BRAF: variants seen among roughly 807,000 people sequenced by gnomAD.
BRAF encodes B-Raf proto-oncogene, serine/threonine kinase, also known as serine/threonine-protein kinase B-raf.
Under a neutral mutation model 104.6 loss-of-function variants are expected in BRAF, and 16 were observed. The observed-to-expected ratio is 0.15, with a 90% CI of 0.10 to 0.23. The LOEUF is 0.23. BRAF is among the 10% of genes least tolerant of loss of function. The probability of loss-of-function intolerance (pLI) is 1.00; values close to 1 mark genes in which losing one functional copy is unlikely to be tolerated. For missense variants in BRAF, 541 were observed against 937.3 expected, an observed-to-expected ratio of 0.58 and a Z score of 5.52; for synonymous variants, 310 against 341.6, an observed-to-expected ratio of 0.91 and a Z score of 1.02.
At chr7:140,822,160 T>C (rs1805557291) in intron 3 of BRAF, among the ~76,000 whole-genome samples, 1 of 151,780 alleles carries the variant, frequency 6.6e-6, no homozygotes, top group South Asian at 2.1e-4. Flanking sequence ...GAATCTAAAA[T>C]AAAAGTTGAA....
At chr7:140,868,542 C>T (rs1386537145) in intron 1 of BRAF, among the ~76,000 whole-genome samples, 1 of 151,494 alleles carries the variant, frequency 6.6e-6, no homozygotes. Context: ...TCCACAGAGA[C>T]AGAAATTAGA....
chr7:140,793,451 G>C (rs1291113919), intron 8 of BRAF, among the ~76,000 whole-genome samples: 2 of 151,574 alleles, frequency 1.3e-5, no homozygotes, highest in African/African-American at 4.8e-5. Context: ...GTAAAAAGTG[G>C]GAAGAAAGTC....
chr7:140,873,603 G>T (rs996738872), intron 1 of BRAF, among the ~76,000 whole-genome samples: 1 of 152,128 alleles, frequency 6.6e-6, no homozygotes, highest in African/African-American at 2.4e-5. Flanking sequence ...GGAGTGCTGT[G>T]AATTTAAGTG....
chr7:140,734,896 C>T, intron 18 of BRAF, 126 bp from the exon 18 acceptor site: 1 of 1,074,382 alleles, frequency 9.3e-7, no homozygotes, highest in South Asian at 1.7e-5. Context: ...AGTCCCATCA[C>T]ACTTTACAAG....
chr7:140,794,419 T>C lies in BRAF; in HGVS notation c.1029A>G (p.Pro343=), dbSNP rs140486841. Residue 343 remains proline, a synonymous_variant, in exon 8 of 20, where the codon CCA becomes CCG. Coordinates refer to ENST00000644969, the MANE Select transcript of BRAF (RefSeq NM_001374258.1). ...SPSPSKSIPI[P]QPFRPADEDH... is the part of the protein sequence containing the mutation. ...CTTCATCTGCTGGTCGGAAGGGCTG[T>C]GGAATTGGAATGGATTTTGAAGGAG... 1 of 1,613,876 alleles carries C rather than the reference T, an allele frequency of 6.2e-7. No individual in the cohort carries two copies. The highest frequency in any genetic ancestry group is 1.3e-5 in the African/African-American group (1 of 74,860).
downstream of BRAF, among the ~76,000 whole-genome samples, chr7:140,717,938 C>G (rs1278367339): frequency 6.6e-6 from 1 of 152,064 alleles, no homozygotes; most frequent in Non-Finnish European, 1.5e-5. Flanking sequence ...CCTGGCTTGC[C>G]TCAAACTCCT....
chr7:140,735,194 GA>G (rs1280244491), intron 18 of BRAF, among the ~76,000 whole-genome samples: 6 of 152,172 alleles, frequency 3.9e-5, no homozygotes, highest in Non-Finnish European at 7.3e-5. Flanking sequence ...TCTCTAAACA[GA>G]ATTATCACAG....
At chr7:140,885,326 A>T (rs10258390) in intron 1 of BRAF, among the ~76,000 whole-genome samples, 40,362 of 150,532 alleles carry the variant, frequency 0.27, 7,837 homozygotes, top group African/African-American at 0.55. Flanking sequence ...AAAAAAAAAA[A>T]TTTTTTTTTT....
chr7:140,730,801 T>C (rs2130850301), intron 19 of BRAF: 1 of 152,224 alleles, frequency 6.6e-6, no homozygotes, highest in East Asian at 1.9e-4. Context: ...TATTAACTAG[T>C]TTAAAAATAT....
Position 140,725,650 on chromosome 7 carries a change from A to T in BRAF, c.*844T>A, listed in dbSNP as rs1231476049. On this transcript the variant is annotated 3_prime_UTR_variant, in exon 20 of 20. Coordinates refer to ENST00000644969, the MANE Select transcript of BRAF (RefSeq NM_001374258.1). The stretch of plus-strand genomic sequence containing the variant: ...AAGTAGTTGGTGACTGGAAGAGCAT[A>T]GGAGGAAGATATAAACTGTATTTCC... 3.8e-6 allele frequency: 4 copies of T among 1,058,342 alleles called. No homozygotes were observed. Among genetic ancestry groups the T allele is most frequent in the Non-Finnish European group, 4.6e-6 (4 of 874,990 alleles). 65.6% of individuals were successfully genotyped at this position (1,058,342 alleles called of 1,614,324 possible).
chr7:140,847,271 T>C (rs1162788182), intron 2 of BRAF, among the ~76,000 whole-genome samples: 1 of 151,110 alleles, frequency 6.6e-6, no homozygotes, highest in Non-Finnish European at 1.5e-5. Context: ...GCGGAGATTG[T>C]TGGCCATTTT....
chr7:140,823,403 G>A (rs964693758), intron 3 of BRAF: 1 of 152,016 alleles, frequency 6.6e-6, no homozygotes, highest in Non-Finnish European at 1.5e-5. Flanking sequence ...TTCAATAAGT[G>A]GAATCATACA....
At chr7:140,896,453 G>A (rs774831536) in intron 1 of BRAF, among the ~76,000 whole-genome samples, 35 of 152,132 alleles carry the variant, frequency 2.3e-4, no homozygotes, top group Non-Finnish European at 4.0e-4. Flanking sequence ...ACAGAGCTGG[G>A]AGTAGTGGCT....
chr7:140,784,444 T>C (rs1469462722), intron 10 of BRAF, among the ~76,000 whole-genome samples: 3 of 152,194 alleles, frequency 2.0e-5, no homozygotes, highest in African/African-American at 4.8e-5. Flanking sequence ...AGTAGTTTTA[T>C]TGTATCACTT....
intron 19 of BRAF, among the ~76,000 whole-genome samples, chr7:140,727,869 C>T (rs1413441672): frequency 1.3e-5 from 2 of 152,178 alleles, no homozygotes; most frequent in Non-Finnish European, 2.9e-5. Flanking sequence ...GATCCGCCCG[C>T]CTTGGCCTCC....
intron 1 of BRAF, among the ~76,000 whole-genome samples, chr7:140,917,851 T>C (rs976019848): frequency 1.1e-4 from 17 of 152,198 alleles, no homozygotes; most frequent in African/African-American, 3.9e-4. Context: ...ATGAAAATGA[T>C]ATGAAATTCA....
At chr7:140,760,328 A>C (rs1486264496) in intron 14 of BRAF, among the ~76,000 whole-genome samples, 1 of 151,630 alleles carries the variant, frequency 6.6e-6, no homozygotes, top group Non-Finnish European at 1.5e-5. Flanking sequence ...CAGGAGAATC[A>C]CTTGAACCCT....
At chr7:140,862,678 A>C (rs1810545340) in intron 1 of BRAF, among the ~76,000 whole-genome samples, 1 of 152,190 alleles carries the variant, frequency 6.6e-6, no homozygotes, top group Admixed American at 6.5e-5. Flanking sequence ...ATGAAGACGG[A>C]AAGTAGATTA....
chr7:140,815,501 T>C (rs1804783771), intron 3 of BRAF, among the ~76,000 whole-genome samples: 1 of 146,252 alleles, frequency 6.8e-6, no homozygotes, highest in African/African-American at 2.6e-5. Flanking sequence ...TGGTGCGACC[T>C]AGAATCACTG....
Sources: allele counts gnomAD v4.1 joint callset (sites outside exome capture counted in the v4.1 genomes callset), GRCh38; gene constraint gnomAD v4.1.1; transcripts MANE v1.5; gene names NCBI Gene and HGNC (gene_info 2026-07-23, HGNC 2026-07-21).